COPG2: variants seen among roughly 807,000 people sequenced by gnomAD.
COPG2 encodes the protein coat protein complex I subunit gamma 2, also known as coatomer subunit gamma-2.
A neutral mutation model predicts 46.3 loss-of-function variants in COPG2; 37 were observed. That is an observed-to-expected ratio of 0.80 (90% CI 0.61 to 1.05). The LOEUF (loss-of-function observed/expected upper bound fraction) is 1.05, where lower values mean the gene tolerates loss of function less well. Among genes scored for constraint, COPG2 ranks in the 50% least tolerant of loss-of-function variants. The pLI, the probability that COPG2 is intolerant of heterozygous loss-of-function variation, is 0.00. For synonymous variants in COPG2, 159 were observed against 129.7 expected, an observed-to-expected ratio of 1.23 and a Z score of -1.53; for missense variants, 427 against 387.8, an observed-to-expected ratio of 1.10 and a Z score of -0.85.
intron 11 of COPG2, among the ~76,000 whole-genome samples, 188 bp downstream of exon 11, chr7:130,563,081 A>C (rs1439477234): frequency 6.6e-6 from 1 of 152,216 alleles, no homozygotes; most frequent in Non-Finnish European, 1.5e-5. Flanking sequence ...GTCAGAAATG[A>C]GTTATAATCT....
rs1475878876 is a variant in COPG2 at position 130,506,437 on chromosome 7, C to T, written c.*239G>A. 5 of 228,418 alleles carry T rather than the reference C, an allele frequency of 2.2e-5. No individual in the cohort carries two copies. Among genetic ancestry groups the T allele is most frequent in the Non-Finnish European group, 4.2e-5 (5 of 119,044 alleles). The allele number at this position is 228,418 out of a possible 1,614,324, so 14.1% of individuals were successfully genotyped here. ...TAGGATAGTATTTGATTTTCAAGATCACCCAAAGCTGCACTATCGTCCCAA... is the reference window on the plus strand; with the variant it reads ...TAGGATAGTATTTGATTTTCAAGATTACCCAAAGCTGCACTATCGTCCCAA... On this transcript the variant is annotated 3_prime_UTR_variant, in exon 24 of 24. Transcript: ENST00000425248.
intron 20 of COPG2, among the ~76,000 whole-genome samples, chr7:130,539,700 C>T (rs1420994694): frequency 6.6e-5 from 10 of 152,210 alleles, no homozygotes; most frequent in East Asian, 1.9e-4. Flanking sequence ...GATGAGGCAG[C>T]GCCAACAGGG....
intron 20 of COPG2, chr7:130,509,917 C>T: frequency 2.1e-6 from 1 of 475,892 alleles, no homozygotes; most frequent in Non-Finnish European, 4.2e-6. Context: ...TGCAAAAGAG[C>T]TTTGGCAAGC....
At chr7:130,520,391 G>A (rs1356848148) in intron 20 of COPG2, among the ~76,000 whole-genome samples, 1 of 152,152 alleles carries the variant, frequency 6.6e-6, no homozygotes, top group Non-Finnish European at 1.5e-5. Context: ...ACTTAGTCTG[G>A]GTTTGGAATA....
intron 9 of COPG2, among the ~76,000 whole-genome samples, chr7:130,583,981 A>G (rs1463045969): frequency 6.6e-6 from 1 of 151,828 alleles, no homozygotes; most frequent in African/African-American, 2.4e-5. Flanking sequence ...TATTGCCCTA[A>G]TACCAAAACC....
chr7:130,666,388 C>G lies in COPG2; in HGVS notation c.171+461G>C, dbSNP rs1455520106. Among the ~76,000 whole-genome samples the G allele has an allele frequency of 3.3e-5, 5 of 152,148 alleles. No individual in the cohort carries two copies. The East Asian group carries it at 9.6e-4, about 29-fold the overall frequency. ...TGAAACCAAAGGATTTATTGAGAAT[C>G]TACTATGCGCATCACTGGTTTAGGA... On this transcript the variant is annotated intron_variant, in intron 3 of 23. Transcript: ENST00000425248.
At chr7:130,644,556 T>G (rs1287213726) in intron 5 of COPG2, among the ~76,000 whole-genome samples, 1 of 152,150 alleles carries the variant, frequency 6.6e-6, no homozygotes, top group African/African-American at 2.4e-5. Flanking sequence ...GATGTAAAAG[T>G]TCACTTTCAT....
At chr7:130,544,464 G>A (rs1482385435) in intron 20 of COPG2, among the ~76,000 whole-genome samples, 1 of 152,040 alleles carries the variant, frequency 6.6e-6, no homozygotes, top group Non-Finnish European at 1.5e-5. Flanking sequence ...ATCTTAGTAT[G>A]AATATTTTCT....
intron 9 of COPG2, among the ~76,000 whole-genome samples, chr7:130,564,767 A>G (rs1793776043): frequency 6.6e-6 from 1 of 152,212 alleles, no homozygotes; most frequent in African/African-American, 2.4e-5. Context: ...TGTGAATGCC[A>G]GCAGCCTAGC....
At chr7:130,631,516 T>C (rs1795231244) in intron 5 of COPG2, among the ~76,000 whole-genome samples, 1 of 152,214 alleles carries the variant, frequency 6.6e-6, no homozygotes. Context: ...ATATATGTTA[T>C]GATTCTATTT....
intron 4 of COPG2, 150 bp downstream of exon 4, chr7:130,662,817 G>A (rs181977471): frequency 1.3e-4 from 80 of 622,462 alleles, no homozygotes; most frequent in Admixed American, 2.6e-4. Context: ...CCATTTTCAC[G>A]TCTTATAATG....
chr7:130,573,400 A>G (rs1444396836), intron 9 of COPG2, among the ~76,000 whole-genome samples: 3 of 152,098 alleles, frequency 2.0e-5, no homozygotes, highest in Non-Finnish European at 2.9e-5. Flanking sequence ...TTCACAAGAA[A>G]ATTACAGTAC....
At chr7:130,511,031 C>A (rs376681159) in intron 20 of COPG2, 177 of 513,494 alleles carry the variant, frequency 3.4e-4, no homozygotes, top group African/African-American at 3.2e-3. Context: ...TGAGAGTCAA[C>A]CACTAAGGAG....
chr7:130,586,481 G>C (rs1378354804), intron 9 of COPG2, among the ~76,000 whole-genome samples: 1 of 151,656 alleles, frequency 6.6e-6, no homozygotes, highest in African/African-American at 2.4e-5. Context: ...ATTTTTTTTT[G>C]AGACAGAGTC....
intron 5 of COPG2, among the ~76,000 whole-genome samples, chr7:130,651,471 C>T (rs1223834610): frequency 6.8e-6 from 1 of 146,394 alleles, no homozygotes; most frequent in East Asian, 2.0e-4. Flanking sequence ...AGCGTGCTAC[C>T]AATGCCTGGC....
chr7:130,577,678 G>A (rs1483692910), intron 9 of COPG2, among the ~76,000 whole-genome samples: 3 of 150,278 alleles, frequency 2.0e-5, no homozygotes, highest in Non-Finnish European at 4.4e-5. Context: ...GGAGAATGGC[G>A]TGAACCCGGG....
intron 5 of COPG2, among the ~76,000 whole-genome samples, chr7:130,644,589 G>T (rs1202892703): frequency 1.3e-5 from 2 of 152,186 alleles, no homozygotes; most frequent in East Asian, 3.9e-4. Context: ...GTCCTTTGGC[G>T]AGAGTTAAAG....
intron 9 of COPG2, among the ~76,000 whole-genome samples, chr7:130,579,577 C>T (rs1794091028): frequency 1.3e-5 from 2 of 152,074 alleles, no homozygotes; most frequent in African/African-American, 4.8e-5. Flanking sequence ...AGTCACGACC[C>T]ATCAGTGTGC....
intron 5 of COPG2, among the ~76,000 whole-genome samples, chr7:130,648,633 C>A (rs1393855900): frequency 6.6e-6 from 1 of 152,186 alleles, no homozygotes; most frequent in Admixed American, 6.5e-5. Flanking sequence ...CAGATATTCC[C>A]ATTCAAAATG....
Sources: allele counts gnomAD v4.1 joint callset (sites outside exome capture counted in the v4.1 genomes callset), GRCh38; gene constraint gnomAD v4.1.1; transcripts MANE v1.5; gene names NCBI Gene and HGNC (gene_info 2026-07-23, HGNC 2026-07-21).